PDCD4: variants seen among roughly 807,000 people sequenced by gnomAD.
The protein encoded by PDCD4 is programmed cell death protein 4.
A neutral mutation model predicts 54.0 loss-of-function variants in PDCD4; 56 were observed. The observed-to-expected ratio is 1.04, with a 90% CI of 0.84 to 1.30. PDCD4 has a LOEUF of 1.30. Ranked by LOEUF, PDCD4 falls within the 50% of genes most tolerant of loss-of-function variation. The pLI, the probability that PDCD4 is intolerant of heterozygous loss-of-function variation, is 0.00. For synonymous variants in PDCD4, 186 were observed against 194.8 expected (o/e 0.95, Z 0.37); for missense variants, 584 against 559.8 (o/e 1.04, Z -0.44).
At chr10:110,877,257 T>G (rs577342625) in intron 2 of PDCD4, among the ~76,000 whole-genome samples, 6 of 152,324 alleles carry the variant, frequency 3.9e-5, no homozygotes, top group Admixed American at 2.6e-4. Context: ...TTTTCTGCAC[T>G]GTCCAGTATG....
At chr10:110,888,005 A>T in intron 6 of PDCD4, 119 bp downstream of exon 6, 1 of 604,426 alleles carries the variant, frequency 1.7e-6, no homozygotes, top group Non-Finnish European at 2.9e-6. Flanking sequence ...ATTTCCTACG[A>T]CACCGAAATA....
rs182254256 is a variant in PDCD4 at position 110,894,395 on chromosome 10, A to T, written c.1099-17A>T. ...ATATGAATTAACCAAAAATTCACTC[A>T]TTGATTCAATTTTTAGGCTATTATA... is the stretch of plus-strand genomic sequence containing the variant. On this transcript the variant is annotated splice_polypyrimidine_tract_variant and intron_variant, in intron 9 of 11. Transcript: ENST00000280154. The T allele has an allele frequency of 2.2e-4, 292 of 1,327,338 alleles. 3 individuals are homozygous for T. The East Asian group carries it at 6.2e-3, about 28-fold the overall frequency. The allele number at this position is 1,327,338 out of a possible 1,614,324, so 82.2% of individuals were successfully genotyped here. A position where few individuals can be genotyped will look rare whatever the true frequency, so the allele number is the denominator to read the frequency against.
At chr10:110,882,403 T>A (rs1258941922) in intron 3 of PDCD4, among the ~76,000 whole-genome samples, 1 of 152,216 alleles carries the variant, frequency 6.6e-6, no homozygotes, top group African/African-American at 2.4e-5. Context: ...TTGGAATTGT[T>A]AAGCTTCTTT....
chr10:110,879,139 C>T (rs949570356), intron 2 of PDCD4, among the ~76,000 whole-genome samples: 1 of 152,188 alleles, frequency 6.6e-6, no homozygotes. Context: ...TACCCTTGCT[C>T]TTTACCAGTT....
At chr10:110,874,778 C>T (rs898064988) in intron 1 of PDCD4, among the ~76,000 whole-genome samples, 26 of 152,146 alleles carry the variant, frequency 1.7e-4, no homozygotes, top group African/African-American at 6.3e-4. Flanking sequence ...CTTATGTTAG[C>T]AAATAGTAGT....
intron 2 of PDCD4, 131 bp downstream of exon 2, chr10:110,876,201 TC>T (rs1187210017): frequency 6.6e-6 from 4 of 603,700 alleles, no homozygotes; most frequent in Admixed American, 3.7e-5. Flanking sequence ...TAAGAGATCC[TC>T]CCCTATCTCA....
At chr10:110,887,237 CATACT>C (rs950566184) in intron 5 of PDCD4, among the ~76,000 whole-genome samples, 2 of 152,056 alleles carry the variant, frequency 1.3e-5, no homozygotes, top group African/African-American at 4.8e-5. Flanking sequence ...AGTATAGTAA[CATACT>C]ATACAGGTTT....
chr10:110,876,921 A>AT (rs948137349), intron 2 of PDCD4, among the ~76,000 whole-genome samples: 83 of 152,112 alleles, frequency 5.5e-4, no homozygotes, highest in African/African-American at 1.9e-3. Context: ...ATTTTCTGTC[A>AT]TTTTAAGTGT....
chr10:110,894,719 G>GTTT (rs200913544), intron 10 of PDCD4, among the ~76,000 whole-genome samples, 197 bp downstream of exon 10: 1 of 127,458 alleles, frequency 7.8e-6, no homozygotes, highest in Non-Finnish European at 1.7e-5. Context: ...ACACTGCAGT[G>GTTT]TTTTTTTTTT....
Position 110,892,920 on chromosome 10 carries a change from G to A in PDCD4, c.991-1171G>A, listed in dbSNP as rs1334759092. Among the ~76,000 whole-genome samples the A allele has an allele frequency of 3.3e-5, 5 of 151,934 alleles. No individual in the cohort carries two copies. In the East Asian group the frequency reaches 5.8e-4, roughly 18 times the overall value. ...TATCATTTTAAAAATCATTTACACT[G>A]TTTTTTATTGTACCTTTTCTATGTT... On this transcript the variant is annotated intron_variant, in intron 8 of 11. Coordinates refer to ENST00000280154, the MANE Select transcript of PDCD4 (RefSeq NM_014456.5).
rs1845587792 is a variant in PDCD4 at position 110,881,309 on chromosome 10, A to G, written c.120A>G (p.Ile40Met). The part of the protein sequence containing the change: ...NAGTEEIKNE[I>M]NGNWISASSI... ...GGACTGAGGAAATAAAGAATGAAATAAATGGAAATTGGATTTCAGCATCCT... is the reference window on the plus strand; with the variant it reads ...GGACTGAGGAAATAAAGAATGAAATGAATGGAAATTGGATTTCAGCATCCT... Residue 40 changes from isoleucine to methionine, a missense_variant, in exon 3 of 12, where the codon ATA becomes ATG. Transcript: ENST00000280154. 6.2e-7 allele frequency: 1 copy of G among 1,613,360 alleles called. No homozygotes were observed. Among genetic ancestry groups the G allele is most frequent in the Non-Finnish European group, 8.5e-7 (1 of 1,179,270 alleles).
At chr10:110,880,476 T>A (rs573145325) in intron 2 of PDCD4, 2 of 152,294 alleles carry the variant, frequency 1.3e-5, no homozygotes, top group African/African-American at 4.8e-5. Flanking sequence ...GCTGGAAGAT[T>A]TACAGGATGG....
At chr10:110,893,302 T>G (rs1845783994) in intron 8 of PDCD4, among the ~76,000 whole-genome samples, 1 of 151,890 alleles carries the variant, frequency 6.6e-6, no homozygotes, top group Admixed American at 6.6e-5. Flanking sequence ...AATTTTACTT[T>G]ACCTTTTATG....
At position 110,894,087 on chromosome 10, in the gene PDCD4, A is replaced by G; in HGVS notation, c.991-4A>G. 6.4e-7 allele frequency: 1 copy of G among 1,554,514 alleles called. No individual in the cohort carries two copies. Among genetic ancestry groups the G allele is most frequent in the Non-Finnish European group, 8.9e-7 (1 of 1,127,676 alleles). On this transcript the variant is annotated splice_polypyrimidine_tract_variant and splice_region_variant and intron_variant, in intron 8 of 11. Transcript: ENST00000280154. The stretch of plus-strand genomic sequence containing the variant: ...TGACACATCTCAACTTTTAAATCTA[A>G]TAGATTGATATGCTGCTGAAAGAAT...
chr10:110,882,255 A>G (rs747574924), intron 3 of PDCD4, among the ~76,000 whole-genome samples: 1 of 152,220 alleles, frequency 6.6e-6, no homozygotes, highest in Non-Finnish European at 1.5e-5. Flanking sequence ...GTCTGATGGC[A>G]AGGATATACT....
At position 110,880,037 on chromosome 10, in the gene PDCD4, A is replaced by G. The variant is rs575353668; in HGVS notation, c.44-1196A>G. On this transcript the variant is annotated intron_variant, in intron 2 of 11. Coordinates refer to ENST00000280154, the MANE Select transcript of PDCD4 (RefSeq NM_014456.5). The stretch of plus-strand genomic sequence containing the variant: ...GATTCAGCTCTGATTTGCGTTAACA[A>G]TAATGAACAAAACTGTGGCCCAGTG... Among the ~76,000 whole-genome samples the G allele has an allele frequency of 7.9e-5, 12 of 152,356 alleles. No individual in the cohort carries two copies. The South Asian group carries it at 1.7e-3, about 21-fold the overall frequency.
At chr10:110,896,970 C>T (rs556983719) in intron 11 of PDCD4, among the ~76,000 whole-genome samples, 1 of 152,280 alleles carries the variant, frequency 6.6e-6, no homozygotes, top group South Asian at 2.1e-4. Context: ...CAGACGTTAG[C>T]TTGGTGATGG....
intron 2 of PDCD4, among the ~76,000 whole-genome samples, chr10:110,877,317 C>T (rs1845521021): frequency 1.3e-5 from 2 of 152,292 alleles, no homozygotes; most frequent in Admixed American, 6.5e-5. Context: ...AGTGATCCTC[C>T]CTCTTCAGCC....
At chr10:110,884,243 C>T (rs1263763787) in intron 4 of PDCD4, among the ~76,000 whole-genome samples, 1 of 152,182 alleles carries the variant, frequency 6.6e-6, no homozygotes, top group Non-Finnish European at 1.5e-5. Context: ...GCATTCGTCA[C>T]ATGGTAGCTG....
Sources: allele counts gnomAD v4.1 joint callset (sites outside exome capture counted in the v4.1 genomes callset), GRCh38; gene constraint gnomAD v4.1.1; transcripts MANE v1.5; gene names NCBI Gene and HGNC (gene_info 2026-07-23, HGNC 2026-07-21).